Variants in KLF9 observed in about 807,000 individuals in gnomAD.
KLF9 encodes the protein KLF transcription factor 9, also known as Krueppel-like factor 9.
Under a neutral mutation model 17.3 loss-of-function variants are expected in KLF9, and 2 were observed. The ratio of observed to expected loss-of-function variants is 0.12; its 90% confidence interval spans 0.05 to 0.36. KLF9 has a LOEUF of 0.36. Ranked by LOEUF, KLF9 falls within the 10% of genes least tolerant of loss-of-function variation. KLF9 has a pLI of 1.00. For synonymous variants in KLF9, 138 were observed against 139.2 expected, an observed-to-expected ratio of 0.99 and a Z score of 0.06; for missense variants, 226 against 333.2, an observed-to-expected ratio of 0.68 and a Z score of 2.51.
intron 1 of KLF9, among the ~76,000 whole-genome samples, chr9:70,406,068 T>G (rs974197340): frequency 1.3e-5 from 2 of 152,044 alleles, no homozygotes; most frequent in African/African-American, 4.8e-5. Context: ...CCCTTTAAAC[T>G]AAGGTGAAAA....
chr9:70,405,707 G>T (rs927053721), intron 1 of KLF9, among the ~76,000 whole-genome samples: 1 of 152,038 alleles, frequency 6.6e-6, no homozygotes, highest in Non-Finnish European at 1.5e-5. Context: ...CATCAAAAAG[G>T]CTTTGGACAC....
chr9:70,408,996 ATG>A (rs1339045089), intron 1 of KLF9, among the ~76,000 whole-genome samples: 1 of 83,468 alleles, frequency 1.2e-5, no homozygotes, highest in African/African-American at 5.0e-5. Context: ...ATATATATAT[ATG>A]TGTATATATA....
chr9:70,386,786 T>C lies in KLF9; in HGVS notation c.*990A>G, dbSNP rs974821152. 8.5e-5 allele frequency: 13 copies of C among 152,358 alleles called. No individual in the cohort carries two copies. Among genetic ancestry groups the C allele is most frequent in the Admixed American group, 5.9e-4 (9 of 15,282 alleles). 9.4% of individuals were successfully genotyped at this position (152,358 alleles called of 1,614,324 possible). On this transcript the variant is annotated 3_prime_UTR_variant, in exon 2 of 2. Transcript: ENST00000377126. ...TAAAATTCTGTTGGTTCTTTTCTTT[T>C]TCTTTTGCAAAACACTACCCTCCTT...
intron 1 of KLF9, among the ~76,000 whole-genome samples, chr9:70,409,198 A>ATATATATGTG (rs1205418073): frequency 5.8e-5 from 3 of 51,534 alleles, no homozygotes; most frequent in African/African-American, 1.6e-4. Context: ...ATACATGTAT[A>ATATATATGTG]TGTATATATA....
chr9:70,413,025 C>T lies in KLF9; in HGVS notation c.339G>A (p.Glu113=). 6.2e-7 allele frequency: 1 copy of T among 1,614,132 alleles called. No homozygotes were observed. Among genetic ancestry groups the T allele is most frequent in the Non-Finnish European group, 8.5e-7 (1 of 1,179,998 alleles). The part of the protein sequence containing the change: ...SGSSPSHSPE[E]RQDPGSAPSP... ...TGGGCGCGCTGCCAGGATCCTGTCT[C>T]TCCTCCGGGCTGTGGGAAGGACTCG... The change falls in exon 1 of 2, where the codon GAG becomes GAA. Residue 113 remains glutamate, a synonymous_variant. Transcript: ENST00000377126. This position sits in a 1 kb window ranked among gnomAD's most constrained non-coding sequence, Gnocchi z 5.6.
intron 1 of KLF9, among the ~76,000 whole-genome samples, chr9:70,409,065 T>C (rs1489801744): frequency 1.8e-5 from 2 of 108,862 alleles, no homozygotes; most frequent in South Asian, 2.8e-4. Context: ...TATGTGTATA[T>C]ATATGTGTAT....
At chr9:70,408,463 C>A (rs773862444) in intron 1 of KLF9, among the ~76,000 whole-genome samples, 1 of 152,084 alleles carries the variant, frequency 6.6e-6, no homozygotes, top group Non-Finnish European at 1.5e-5. Context: ...AGAATGTGTC[C>A]CTAAGGATCC....
At position 70,389,947 on chromosome 9, in the gene KLF9, G is replaced by A. The variant is rs557657324; in HGVS notation, c.506-1942C>T. Among the ~76,000 whole-genome samples the A allele has an allele frequency of 1.2e-4, 19 of 152,236 alleles. No homozygotes were observed. The South Asian group carries it at 2.5e-3, about 20-fold the overall frequency. On this transcript the variant is annotated intron_variant, in intron 1 of 1. Transcript: ENST00000377126. ...GTGAATATTTTCTCACTCCTGTCCC[G>A]GCCTTCCCAGAACCCATAGAGAAAC...
chr9:70,400,215 C>T (rs2037212106), intron 1 of KLF9, among the ~76,000 whole-genome samples: 1 of 152,108 alleles, frequency 6.6e-6, no homozygotes, highest in South Asian at 2.1e-4. Context: ...TGTTCCTGAG[C>T]CCAAAACTGT....
intron 1 of KLF9, among the ~76,000 whole-genome samples, chr9:70,406,899 G>GAA (rs59573357): frequency 7.0e-6 from 1 of 142,782 alleles, no homozygotes; most frequent in Non-Finnish European, 1.5e-5. Flanking sequence ...GAGAGAGAGA[G>GAA]AAAAAAAAAA....
At chr9:70,407,475 C>T (rs1204248642) in intron 1 of KLF9, among the ~76,000 whole-genome samples, 1 of 152,190 alleles carries the variant, frequency 6.6e-6, no homozygotes, top group East Asian at 1.9e-4. Flanking sequence ...AGAGGAAAAT[C>T]AAGGGAAACA....
intron 1 of KLF9, among the ~76,000 whole-genome samples, chr9:70,403,131 C>T (rs2037235058): frequency 6.6e-6 from 1 of 152,136 alleles, no homozygotes. Flanking sequence ...GCCTGGGCAG[C>T]AGGGCGAGAC....
At chr9:70,401,476 A>T (rs2037220670) in intron 1 of KLF9, among the ~76,000 whole-genome samples, 1 of 152,066 alleles carries the variant, frequency 6.6e-6, no homozygotes, top group Non-Finnish European at 1.5e-5. Flanking sequence ...ACTTCAGGTC[A>T]GAAGTTCGAG....
At chr9:70,392,766 G>C (rs1412794625) in intron 1 of KLF9, among the ~76,000 whole-genome samples, 1 of 152,088 alleles carries the variant, frequency 6.6e-6, no homozygotes, top group Admixed American at 6.5e-5. Flanking sequence ...TCGGTGCTAA[G>C]GTCTAAAGGA....
chr9:70,391,580 G>T (rs1016582064), intron 1 of KLF9, among the ~76,000 whole-genome samples: 1 of 151,992 alleles, frequency 6.6e-6, no homozygotes, highest in African/African-American at 2.4e-5. Context: ...CCATTTTTAC[G>T]CATTTAAAAA....
At chr9:70,396,636 A>C (rs2037183249) in intron 1 of KLF9, among the ~76,000 whole-genome samples, 3 of 152,084 alleles carry the variant, frequency 2.0e-5, no homozygotes, top group Admixed American at 2.0e-4. Flanking sequence ...TACAATTTAA[A>C]ATTAAAAAAA....
In KLF9 at chr9:70,392,349, C is replaced by T. The variant is rs143397305; in HGVS notation, c.506-4344G>A. Among the ~76,000 whole-genome samples the T allele has an allele frequency of 8.5e-4, 129 of 152,206 alleles. 2 individuals carry two copies. In the East Asian group the frequency reaches 0.02, roughly 24 times the overall value. The stretch of plus-strand genomic sequence containing the variant: ...CATGGTGAACTGAACAGGGTGCTTC[C>T]CCTACTTAGAGGCATTCAATTTCAA... On this transcript the variant is annotated intron_variant, in intron 1 of 1. Transcript: ENST00000377126.
At position 70,384,685 on chromosome 9, in the gene KLF9, C is replaced by A. The variant is rs1406376894; in HGVS notation, c.*3091G>T. ...CTGTCAGAATCCTCTTTTATAATTT[C>A]ATTTGATTTACAAAAACGGGACAGC... On this transcript the variant is annotated 3_prime_UTR_variant, in exon 2 of 2. Transcript: ENST00000377126. The A allele has an allele frequency of 6.6e-6, 1 of 152,578 alleles. No individual in the cohort carries two copies. The highest frequency in any genetic ancestry group is 1.5e-5 in the Non-Finnish European group (1 of 68,008). 9.5% of individuals were successfully genotyped at this position (152,578 alleles called of 1,614,324 possible).
chr9:70,397,355 A>G (rs962919984), intron 1 of KLF9, among the ~76,000 whole-genome samples: 30 of 152,134 alleles, frequency 2.0e-4, no homozygotes, highest in Admixed American at 9.8e-4. Context: ...CATGCCTGTA[A>G]TCCCAGCTAC....
Sources: allele counts gnomAD v4.1 joint callset (sites outside exome capture counted in the v4.1 genomes callset), GRCh38; gene constraint gnomAD v4.1.1; non-coding constraint Gnocchi (gnomAD v3.1); transcripts MANE v1.5; gene names NCBI Gene and HGNC (gene_info 2026-07-23, HGNC 2026-07-21).